LUZP2: variants seen among roughly 807,000 people sequenced by gnomAD.
The protein encoded by LUZP2 is leucine zipper protein 2.
LUZP2 carries 52 observed loss-of-function variants against 51.6 expected under a neutral mutation model. That is an observed-to-expected ratio of 1.01 (90% confidence interval 0.81 to 1.27). The LOEUF (loss-of-function observed/expected upper bound fraction) is 1.27, where lower values mean the gene tolerates loss of function less well. Among genes scored for constraint, LUZP2 ranks in the 50% most tolerant of loss-of-function variants. The probability of loss-of-function intolerance (pLI) is 0.00; values close to 1 mark genes in which losing one functional copy is unlikely to be tolerated. For synonymous variants in LUZP2, 154 were observed against 137.3 expected, an observed-to-expected ratio of 1.12 and a Z score of -0.85; for missense variants, 436 against 395.4, an observed-to-expected ratio of 1.10 and a Z score of -0.87.
At chr11:24,878,132 T>A (rs2134285006) in intron 5 of LUZP2, among the ~76,000 whole-genome samples, 1 of 147,106 alleles carries the variant, frequency 6.8e-6, no homozygotes, top group Non-Finnish European at 1.5e-5. Flanking sequence ...AACTTACAAT[T>A]ACCAGTAAGT....
intron 9 of LUZP2, among the ~76,000 whole-genome samples, chr11:25,025,525 C>G (rs1196731835): frequency 6.6e-6 from 1 of 152,106 alleles, no homozygotes; most frequent in Non-Finnish European, 1.5e-5. Context: ...CATTTATTCA[C>G]CCAACAGACA....
rs143227288 is a variant in LUZP2 at position 25,073,174 on chromosome 11, C to T, written c.859-4155C>T. 2.5e-3 allele frequency among the ~76,000 whole-genome samples: 378 copies of T among 152,256 alleles called. 1 individual carries two copies. The highest frequency in any genetic ancestry group is 4.0e-3 in the Non-Finnish European group (269 of 68,010). ...AGGATTACACATGACCATTGCCAAG[C>T]AATCCAGATGTCTGTTATCTAGATT... is the stretch of plus-strand genomic sequence containing the variant. On this transcript the variant is annotated intron_variant, in intron 10 of 11. Transcript: ENST00000336930.
At chr11:24,650,288 C>T (rs567998736) in intron 1 of LUZP2, among the ~76,000 whole-genome samples, 6 of 151,900 alleles carry the variant, frequency 3.9e-5, no homozygotes, top group Non-Finnish European at 8.8e-5. Flanking sequence ...TACCTAAAAT[C>T]CTCCTCTAGG....
chr11:24,666,385 T>A (rs1273280861), intron 1 of LUZP2, among the ~76,000 whole-genome samples: 17 of 152,004 alleles, frequency 1.1e-4, no homozygotes, highest in Admixed American at 1.1e-3. Context: ...GGAAAAAAAA[T>A]GAAAATTGCC....
chr11:24,724,821 A>C (rs946736953), intron 1 of LUZP2, among the ~76,000 whole-genome samples: 4 of 152,238 alleles, frequency 2.6e-5, no homozygotes, highest in Non-Finnish European at 5.9e-5. Flanking sequence ...TCAGTGAGGT[A>C]TCTGGAAACA....
intron 1 of LUZP2, among the ~76,000 whole-genome samples, chr11:24,588,521 G>C (rs1853148661): frequency 6.6e-6 from 1 of 152,038 alleles, no homozygotes; most frequent in Non-Finnish European, 1.5e-5. Context: ...TTCCTTGTCT[G>C]TCTCTAATGA....
intron 5 of LUZP2, among the ~76,000 whole-genome samples, chr11:24,848,979 C>T (rs756237112): frequency 2.0e-5 from 3 of 152,072 alleles, no homozygotes; most frequent in Non-Finnish European, 4.4e-5. Context: ...GCAAAACCCA[C>T]AACCTAAGTG....
intron 5 of LUZP2, among the ~76,000 whole-genome samples, chr11:24,849,501 T>C (rs1851318991): frequency 1.3e-5 from 2 of 152,198 alleles, no homozygotes; most frequent in Non-Finnish European, 1.5e-5. Context: ...GGTGTATATG[T>C]GCCACATTTT....
At chr11:24,826,483 C>G (rs1016873492) in intron 5 of LUZP2, among the ~76,000 whole-genome samples, 5 of 151,080 alleles carry the variant, frequency 3.3e-5, no homozygotes, top group African/African-American at 1.2e-4. Flanking sequence ...TCACAGAACA[C>G]TAGAAAGCCT....
At chr11:24,822,427 G>A (rs1850388809) in intron 5 of LUZP2, among the ~76,000 whole-genome samples, 1 of 152,090 alleles carries the variant, frequency 6.6e-6, no homozygotes, top group Non-Finnish European at 1.5e-5. Context: ...CATCACTAGT[G>A]TGTGGGTGTG....
At chr11:24,724,283 AG>A (rs1253112171) in intron 1 of LUZP2, among the ~76,000 whole-genome samples, 7 of 152,180 alleles carry the variant, frequency 4.6e-5, no homozygotes, top group Non-Finnish European at 8.8e-5. Context: ...TTAAAGTCAA[AG>A]ACAAGCCAGG....
At chr11:25,062,587 C>CAAAAAAAA (rs1163708322) in intron 10 of LUZP2, among the ~76,000 whole-genome samples, 39 of 43,056 alleles carry the variant, frequency 9.1e-4, no homozygotes, top group African/African-American at 1.5e-3. Context: ...AAGACCCTGT[C>CAAAAAAAA]AAAAAAAAAA....
intron 1 of LUZP2, among the ~76,000 whole-genome samples, chr11:24,695,602 AATTATATGAAGAGAT>A (rs1372078718): frequency 2.0e-5 from 3 of 151,936 alleles, no homozygotes; most frequent in Non-Finnish European, 4.4e-5. Context: ...TCATTTTCTT[AATTATATGAAGAGAT>A]GGGAGTATCT....
At chr11:24,605,093 T>C (rs1853871462) in intron 1 of LUZP2, among the ~76,000 whole-genome samples, 1 of 151,746 alleles carries the variant, frequency 6.6e-6, no homozygotes, top group South Asian at 2.1e-4. Flanking sequence ...TTGTCATTGG[T>C]GCAAAGAAGA....
intron 1 of LUZP2, among the ~76,000 whole-genome samples, chr11:24,645,193 GT>G (rs1166799851): frequency 2.6e-5 from 4 of 152,126 alleles, no homozygotes; most frequent in Non-Finnish European, 5.9e-5. Flanking sequence ...AAGGAAATAT[GT>G]TTTTAAAGAG....
intron 1 of LUZP2, among the ~76,000 whole-genome samples, chr11:24,536,835 C>T (rs1851193996): frequency 6.6e-6 from 1 of 151,846 alleles, no homozygotes; most frequent in Non-Finnish European, 1.5e-5. Flanking sequence ...ACATGCCTTT[C>T]TTACTAAGCT....
intron 1 of LUZP2, among the ~76,000 whole-genome samples, chr11:24,693,620 T>C (rs968038487): frequency 6.6e-6 from 1 of 151,968 alleles, no homozygotes; most frequent in Non-Finnish European, 1.5e-5. Context: ...TAAAAGAAAC[T>C]ATGCACTTCA....
chr11:24,968,312 C>A (rs1010423702), intron 7 of LUZP2, among the ~76,000 whole-genome samples: 1 of 152,092 alleles, frequency 6.6e-6, no homozygotes, highest in Non-Finnish European at 1.5e-5. Flanking sequence ...ACCATTGTAT[C>A]ACAAAAGCAA....
chr11:24,844,257 A>G (rs911376654), intron 5 of LUZP2, among the ~76,000 whole-genome samples: 12 of 152,296 alleles, frequency 7.9e-5, no homozygotes, highest in African/African-American at 2.9e-4. Context: ...CTTGTTGGGA[A>G]CTGGAGCAAA....
Sources: gnomAD v4.1 joint callset for allele counts (sites outside exome capture counted in the v4.1 genomes callset) on GRCh38, gnomAD v4.1.1 for gene constraint, MANE v1.5 for transcripts, NCBI Gene and HGNC (gene_info 2026-07-23, HGNC 2026-07-21) for gene names.